Variants in DENND1A observed in about 807,000 individuals in gnomAD.
DENND1A encodes the protein DENN domain containing 1A, also known as DENN domain-containing protein 1A.
A neutral mutation model predicts 113.7 loss-of-function variants in DENND1A; 51 were observed. The ratio of observed to expected loss-of-function variants is 0.45; its 90% CI spans 0.36 to 0.57. The LOEUF (loss-of-function observed/expected upper bound fraction) is 0.57. DENND1A is among the 20% of genes least tolerant of loss of function. The pLI is 0.00. For synonymous variants in DENND1A, 565 were observed against 570.8 expected (o/e 0.99, Z 0.14); for missense variants, 1,258 against 1,395.9 (o/e 0.90, Z 1.57).
At chr9:123,796,965 T>C (rs1833878862) in intron 2 of DENND1A, among the ~76,000 whole-genome samples, 2 of 152,128 alleles carry the variant, frequency 1.3e-5, no homozygotes, top group Admixed American at 6.5e-5. Context: ...AGGACCTCTT[T>C]TAGGAAATTT....
At chr9:123,919,354 C>T (rs937566624) in intron 1 of DENND1A, among the ~76,000 whole-genome samples, 5 of 151,836 alleles carry the variant, frequency 3.3e-5, no homozygotes, top group South Asian at 2.1e-4. Context: ...CACCTGTAAT[C>T]CCAGCTACTG....
At chr9:123,833,065 C>G (rs1416081018) in intron 2 of DENND1A, among the ~76,000 whole-genome samples, 1 of 125,286 alleles carries the variant, frequency 8.0e-6, no homozygotes, top group Non-Finnish European at 1.5e-5. Context: ...TTTGAGGCTA[C>G]AGTGTGCTAT....
chr9:123,901,262 G>A (rs968197210), intron 1 of DENND1A, among the ~76,000 whole-genome samples: 3 of 152,154 alleles, frequency 2.0e-5, no homozygotes, highest in African/African-American at 4.8e-5. Context: ...AGGAGAAGAT[G>A]GTGCCCTGGA....
At chr9:123,831,599 GAC>G (rs1331266625) in intron 2 of DENND1A, among the ~76,000 whole-genome samples, 1 of 152,142 alleles carries the variant, frequency 6.6e-6, no homozygotes, top group Non-Finnish European at 1.5e-5. Context: ...TAGATAAAGA[GAC>G]CAGGAAGAGA....
At position 123,665,841 on chromosome 9, in the gene DENND1A, G is replaced by T. The variant is rs568139485; in HGVS notation, c.507+1185C>A. Among the ~76,000 whole-genome samples, 9 of 152,254 alleles carry T rather than the reference G, an allele frequency of 5.9e-5. No homozygotes were observed. The South Asian group carries it at 8.3e-4, about 14-fold the overall frequency. On this transcript the variant is annotated intron_variant, in intron 8 of 23. Transcript: ENST00000394215. ...TGGATGAACAGATACGCAAAATGTG[G>T]TCTACACCTACAATGGAATATCATT...
At chr9:123,600,765 A>C (rs1320031821) in intron 11 of DENND1A, among the ~76,000 whole-genome samples, 1 of 151,928 alleles carries the variant, frequency 6.6e-6, no homozygotes, top group Non-Finnish European at 1.5e-5. Flanking sequence ...CAGGAGGCGG[A>C]GGATGCAGTG....
chr9:123,558,266 C>A (rs2057540061), intron 12 of DENND1A, among the ~76,000 whole-genome samples: 3 of 152,174 alleles, frequency 2.0e-5, no homozygotes, highest in Admixed American at 1.3e-4. Context: ...CAATCAAAGT[C>A]TTGTAGTCTG....
intron 13 of DENND1A, among the ~76,000 whole-genome samples, chr9:123,529,219 T>TA (rs1263701175): frequency 1.2e-4 from 19 of 152,284 alleles, no homozygotes; most frequent in African/African-American, 4.6e-4. Flanking sequence ...TATGAGGACC[T>TA]AAAAAATGTT....
At chr9:123,742,751 G>C (rs1010538932) in intron 5 of DENND1A, among the ~76,000 whole-genome samples, 1 of 152,148 alleles carries the variant, frequency 6.6e-6, no homozygotes, top group East Asian at 1.9e-4. Context: ...ATTGGGAATA[G>C]GTTCCTAGTC....
intron 8 of DENND1A, among the ~76,000 whole-genome samples, chr9:123,661,772 GATGAGTGAAA>G (rs1490927191): frequency 1.3e-5 from 2 of 152,188 alleles, no homozygotes; most frequent in Non-Finnish European, 2.9e-5. Flanking sequence ...CAGTCTCACA[GATGAGTGAAA>G]ATATTAATAT....
At position 123,425,866 on chromosome 9, in the gene DENND1A, A is replaced by G. The variant is rs200924180; in HGVS notation, c.1489-14037T>C. ...GAAGGGTTGGGAGGATTTTCTGTTC[A>G]GGTGGAACAGAAGAGGAAAATCATT... On this transcript the variant is annotated intron_variant, in intron 19 of 23. Transcript: ENST00000394215. 1.1e-4 allele frequency among the ~76,000 whole-genome samples: 16 copies of G among 152,346 alleles called. No individual in the cohort carries two copies. The East Asian group carries it at 2.9e-3, about 28-fold the overall frequency.
intron 2 of DENND1A, among the ~76,000 whole-genome samples, chr9:123,840,205 T>C (rs964916566): frequency 2.0e-5 from 3 of 152,000 alleles, no homozygotes; most frequent in East Asian, 3.9e-4. Flanking sequence ...TGACCATAAA[T>C]GGTGTAATTT....
chr9:123,896,861 G>A (rs980786442), intron 1 of DENND1A, among the ~76,000 whole-genome samples: 16 of 152,054 alleles, frequency 1.1e-4, no homozygotes, highest in African/African-American at 3.1e-4. Flanking sequence ...CAAGATAAAC[G>A]CAGAAGTAAA....
At chr9:123,664,854 C>A (rs958784449) in intron 8 of DENND1A, among the ~76,000 whole-genome samples, 1 of 152,056 alleles carries the variant, frequency 6.6e-6, no homozygotes, top group Non-Finnish European at 1.5e-5. Flanking sequence ...TTATAAATGT[C>A]CCATGGCATT....
chr9:123,652,074 T>A lies in DENND1A; in HGVS notation c.557A>T (p.His186Leu). ...FVAVDVNNMLHLYASMLYERR... is the reference protein window; with the variant it reads ...FVAVDVNNMLLLYASMLYERR... ...TTCGTACAGCATACTGGCGTACAGA[T>A]GCAACATGTTGTTAACATCCACAGC... is the stretch of plus-strand genomic sequence containing the variant. Residue 186 changes from histidine to leucine, a missense_variant, in exon 9 of 24, where the codon CAT (histidine) becomes CTT (leucine). This residue lies in a region of DENND1A where 1,159 missense variants were observed against 1,231.7 expected (regional missense o/e 0.94). Coordinates refer to ENST00000394215, the MANE Select transcript of DENND1A (RefSeq NM_001352964.2). 1.2e-6 allele frequency: 2 copies of A among 1,614,180 alleles called. No individual in the cohort carries two copies. The highest frequency in any genetic ancestry group is 1.7e-6 in the Non-Finnish European group (2 of 1,180,030).
intron 2 of DENND1A, among the ~76,000 whole-genome samples, chr9:123,873,308 A>C (rs1431033708): frequency 6.6e-6 from 1 of 152,210 alleles, no homozygotes; most frequent in African/African-American, 2.4e-5. Flanking sequence ...AAAGTGTTCC[A>C]ATTCAGTGTT....
intron 1 of DENND1A, among the ~76,000 whole-genome samples, chr9:123,915,959 A>G (rs911831159): frequency 1.3e-5 from 2 of 152,178 alleles, no homozygotes; most frequent in Non-Finnish European, 1.5e-5. Flanking sequence ...CACAATCTCT[A>G]TGGAGGAGAA....
At chr9:123,670,332 AC>A (rs2063705659) in intron 7 of DENND1A, among the ~76,000 whole-genome samples, 1 of 152,210 alleles carries the variant, frequency 6.6e-6, no homozygotes, top group African/African-American at 2.4e-5. Context: ...AATAATCAAT[AC>A]TTGGTCAAAG....
intron 13 of DENND1A, among the ~76,000 whole-genome samples, chr9:123,521,495 T>C (rs564098648): frequency 4.1e-4 from 63 of 152,338 alleles, no homozygotes; most frequent in African/African-American, 1.5e-3. Context: ...GACATTTAGC[T>C]TGGAGCTTGG....
Sources: gnomAD v4.1 joint callset for allele counts (sites outside exome capture counted in the v4.1 genomes callset) on GRCh38, gnomAD v4.1.1 for gene constraint, gnomAD v4.1.1 regional missense constraint, MANE v1.5 for transcripts, NCBI Gene and HGNC (gene_info 2026-07-23, HGNC 2026-07-21) for gene names.